Variants in RTN4R observed in about 807,000 individuals in gnomAD.
RTN4R encodes the protein reticulon-4 receptor.
Under a neutral mutation model 27.7 loss-of-function variants are expected in RTN4R, and 4 were observed. The ratio of observed to expected loss-of-function variants is 0.14; its 90% CI spans 0.07 to 0.33. RTN4R has a LOEUF of 0.33. Among genes scored for constraint, RTN4R ranks in the 10% least tolerant of loss-of-function variants. RTN4R has a pLI of 1.00. For missense variants in RTN4R, 554 were observed against 671.5 expected, an observed-to-expected ratio of 0.83 and a Z score of 1.93; for synonymous variants, 290 against 305.6, an observed-to-expected ratio of 0.95 and a Z score of 0.53.
In RTN4R at chr22:20,255,446, G is replaced by A. The variant is rs915317484; in HGVS notation, c.23-12336C>T. Among the ~76,000 whole-genome samples the A allele has an allele frequency of 1.3e-5, 2 of 152,146 alleles. No homozygotes were observed. Among genetic ancestry groups the A allele is most frequent in the Non-Finnish European group, 2.9e-5 (2 of 68,028 alleles). ...GGGAGGATCCACATGCTGCTTTTTG[G>A]TCCCCTGCTCGGCCAAGGGTGGCTG... On this transcript the variant is annotated intron_variant, in intron 1 of 1. Transcript: ENST00000043402. The surrounding 1 kb of genome is among the most constrained non-coding windows in gnomAD (Gnocchi z 4.8).
chr22:20,248,300 T>C (rs1019641113), intron 1 of RTN4R, among the ~76,000 whole-genome samples: 1 of 152,024 alleles, frequency 6.6e-6, no homozygotes, highest in Non-Finnish European at 1.5e-5. Flanking sequence ...GGCTTCCCAG[T>C]CTCATGGCCC....
At chr22:20,253,592 C>T (rs149894325) in intron 1 of RTN4R, among the ~76,000 whole-genome samples, 122 of 152,316 alleles carry the variant, frequency 8.0e-4, no homozygotes, top group African/African-American at 2.7e-3. Context: ...AGCCAACCAG[C>T]TTCCCTCATA....
intron 1 of RTN4R, chr22:20,249,072 C>T (rs954419448): frequency 5.7e-6 from 3 of 527,558 alleles, no homozygotes; most frequent in Admixed American, 3.9e-5. Flanking sequence ...TTGAGCCCAC[C>T]TGCTCCTCCA....
At chr22:20,244,793 C>T (rs1309763248) in intron 1 of RTN4R, among the ~76,000 whole-genome samples, 2 of 152,132 alleles carry the variant, frequency 1.3e-5, no homozygotes, top group Non-Finnish European at 2.9e-5. Context: ...GCCCCACATG[C>T]TCATGGGGCA....
rs1396530301 is a variant in RTN4R at position 20,244,724 on chromosome 22, A to G, written c.23-1614T>C. Among the ~76,000 whole-genome samples the G allele has an allele frequency of 3.3e-5, 5 of 152,228 alleles. No homozygotes were observed. The East Asian group carries it at 9.7e-4, about 29-fold the overall frequency. On this transcript the variant is annotated intron_variant, in intron 1 of 1. Transcript: ENST00000043402. The stretch of plus-strand genomic sequence containing the variant: ...CACTGCTGTCTCACCTGCTGTCACC[A>G]GAGGGAAAACTGTGCTATGTAAATG...
chr22:20,241,753 CA>C lies in RTN4R; in HGVS notation c.1379del (p.Leu460ArgfsTer91). 1 of 1,552,426 alleles carries C rather than the reference CA, an allele frequency of 6.4e-7. No individual in the cohort carries two copies. Among genetic ancestry groups the C allele is most frequent in the Non-Finnish European group, 8.7e-7 (1 of 1,148,008 alleles). On this transcript the variant is annotated frameshift_variant, in exon 2 of 2. Transcript: ENST00000043402. LOFTEE classifies it high-confidence loss of function. ...CTGTCCACAGCACCAGCGCCAGGCC[CA>C]GGGGGGTGAGGCTGCAGGTGAGGCT... ...LPSLTCSLTP[L>X]GLALVLWTVL...
chr22:20,248,042 A>G (rs1294174803), intron 1 of RTN4R, among the ~76,000 whole-genome samples: 1 of 152,190 alleles, frequency 6.6e-6, no homozygotes, highest in Non-Finnish European at 1.5e-5. Context: ...AGGCCAGGCC[A>G]GAGGCTGGGC....
intron 1 of RTN4R, among the ~76,000 whole-genome samples, chr22:20,261,473 G>A (rs117954831): frequency 0.017 from 2,597 of 152,324 alleles, 42 homozygotes; most frequent in Non-Finnish European, 0.026. Context: ...CCTGTGGGCA[G>A]TGCTCACTCA....
chr22:20,260,184 GC>G (rs1297642733), intron 1 of RTN4R, among the ~76,000 whole-genome samples: 1 of 152,094 alleles, frequency 6.6e-6, no homozygotes, highest in Non-Finnish European at 1.5e-5. Flanking sequence ...GTCTCACGTG[GC>G]CCTAGGGGGC....
intron 1 of RTN4R, among the ~76,000 whole-genome samples, chr22:20,259,962 T>TGGGCCTCCCCTGC (rs2051235264): frequency 6.6e-6 from 1 of 152,154 alleles, no homozygotes; most frequent in Non-Finnish European, 1.5e-5. Flanking sequence ...GTGACCCCTG[T>TGGGCCTCCCCTGC]GGGCCTCCCC....
chr22:20,264,797 C>A (rs2051267874), intron 1 of RTN4R, among the ~76,000 whole-genome samples: 1 of 152,186 alleles, frequency 6.6e-6, no homozygotes, highest in Admixed American at 6.5e-5. Flanking sequence ...CCCTGGGTGG[C>A]TGCAGAGGGT....
chr22:20,261,595 G>A (rs1479275898), intron 1 of RTN4R, among the ~76,000 whole-genome samples: 2 of 152,224 alleles, frequency 1.3e-5, no homozygotes, highest in East Asian at 3.8e-4. Flanking sequence ...CAACTGATCT[G>A]CACCTAACAG....
rs948073679 is a variant in RTN4R, at chr22:20,255,456, C to A, written c.23-12346G>T. Reference sequence around the variant, plus strand: ...ACATGCTGCTTTTTGGTCCCCTGCTCGGCCAAGGGTGGCTGAGGATACATC... The same window carrying A: ...ACATGCTGCTTTTTGGTCCCCTGCTAGGCCAAGGGTGGCTGAGGATACATC... On this transcript the variant is annotated intron_variant, in intron 1 of 1. Transcript: ENST00000043402. The surrounding 1 kb of genome is among the most constrained non-coding windows in gnomAD (Gnocchi z 4.8). Among the ~76,000 whole-genome samples, 2 of 152,158 alleles carry A rather than the reference C, an allele frequency of 1.3e-5. No homozygotes were observed. The highest frequency in any genetic ancestry group is 3.9e-4 in the East Asian group (2 of 5,192).
At chr22:20,252,383 G>T (rs1379580452) in intron 1 of RTN4R, among the ~76,000 whole-genome samples, 2 of 152,198 alleles carry the variant, frequency 1.3e-5, no homozygotes, top group Admixed American at 6.5e-5. Context: ...AGAAATGAGG[G>T]CCCCTCGCCT....
chr22:20,245,178 G>A (rs1222867705), intron 1 of RTN4R, among the ~76,000 whole-genome samples: 2 of 152,214 alleles, frequency 1.3e-5, no homozygotes, highest in African/African-American at 4.8e-5. Context: ...GAGGACATGG[G>A]GGAGTGGCCA....
chr22:20,242,679 C>A lies in RTN4R; in HGVS notation c.454G>T (p.Gly152Cys), dbSNP rs780602649. 6.2e-7 allele frequency: 1 copy of A among 1,612,484 alleles called. No individual in the cohort carries two copies. The highest frequency in any genetic ancestry group is 8.5e-7 in the Non-Finnish European group (1 of 1,179,716). The change falls in exon 2 of 2, where the codon GGC (glycine) becomes TGC (cysteine). Residue 152 changes from glycine (G) to cysteine (C), a missense_variant. This residue lies in a region of RTN4R where 413 missense variants were observed against 542.3 expected (regional missense o/e 0.76). Coordinates refer to ENST00000043402, the MANE Select transcript of RTN4R (RefSeq NM_023004.6). ...TAGAGGTACTGCAGGGCAGCCAGGC[C>A]GCGGAACAGCCCCGGGCCCAGCTCC... ...LQELGPGLFR[G>C]LAALQYLYLQ...
chr22:20,268,116 C>A lies in RTN4R; in HGVS notation c.-24G>T. 1.8e-6 allele frequency: 2 copies of A among 1,119,086 alleles called. No homozygotes were observed. The highest frequency in any genetic ancestry group is 3.6e-5 in the South Asian group (1 of 28,154). 69.3% of individuals were successfully genotyped at this position (1,119,086 alleles called of 1,614,324 possible). A position where few individuals can be genotyped will look rare whatever the true frequency, so the allele number is the denominator to read the frequency against. On this transcript the variant is annotated 5_prime_UTR_variant, in exon 1 of 2. Transcript: ENST00000043402. ...ATCGTAGGGGTTGGGCGGGGCGCGT[C>A]GGGGACTGAAAGTCGTTTCGGGGCG...
At chr22:20,254,606 C>T (rs770267715) in intron 1 of RTN4R, among the ~76,000 whole-genome samples, 11 of 151,650 alleles carry the variant, frequency 7.3e-5, no homozygotes, top group Non-Finnish European at 1.2e-4. Flanking sequence ...GGAAGACTTC[C>T]GGAATGATTC....
rs1357371584 is a variant in RTN4R, at chr22:20,255,283, A to G, written c.23-12173T>C. 6.6e-6 allele frequency among the ~76,000 whole-genome samples: 1 copy of G among 152,244 alleles called. No homozygotes were observed. The highest frequency in any genetic ancestry group is 1.5e-5 in the Non-Finnish European group (1 of 68,044). ...AAAACAGATAAATAAAAAGAAAAAA[A>G]AGAAAGTGTATCTTCCAGAAGGTGG... On this transcript the variant is annotated intron_variant, in intron 1 of 1. Transcript: ENST00000043402. The surrounding 1 kb of genome is among the most constrained non-coding windows in gnomAD (Gnocchi z 4.8).
Sources: gnomAD v4.1 joint callset for allele counts (sites outside exome capture counted in the v4.1 genomes callset) on GRCh38, gnomAD v4.1.1 for gene constraint, gnomAD v4.1.1 regional missense constraint, Gnocchi (gnomAD v3.1) non-coding constraint, MANE v1.5 for transcripts, NCBI Gene and HGNC (gene_info 2026-07-23, HGNC 2026-07-21) for gene names.